RAB3GAP2: variants seen among roughly 807,000 people sequenced by gnomAD.
RAB3GAP2 encodes the protein RAB3 GTPase activating non-catalytic protein subunit 2, also known as rab3 GTPase-activating protein non-catalytic subunit.
Under a neutral mutation model 185.3 loss-of-function variants are expected in RAB3GAP2, and 87 were observed. That is an observed-to-expected ratio of 0.47 (90% CI 0.39 to 0.56). The LOEUF is 0.56. Ranked by LOEUF, RAB3GAP2 falls within the 20% of genes least tolerant of loss-of-function variation. The pLI is 0.00. For missense variants in RAB3GAP2, 1,492 were observed against 1,638.2 expected (o/e 0.91, Z 1.54); for synonymous variants, 554 against 576.1 (o/e 0.96, Z 0.55).
At chr1:220,185,178 G>A (rs779776840) in intron 18 of RAB3GAP2, among the ~76,000 whole-genome samples, 8 of 152,148 alleles carry the variant, frequency 5.3e-5, no homozygotes, top group Non-Finnish European at 1.0e-4. Context: ...CAAGTTTCAA[G>A]TGTAATCCTT....
chr1:220,164,473 G>GTTTTTTTTTTTTTTTTTTTTTTTTTTTTT (rs35024056), intron 27 of RAB3GAP2, among the ~76,000 whole-genome samples: 2 of 105,646 alleles, frequency 1.9e-5, no homozygotes, highest in African/African-American at 3.7e-5. Flanking sequence ...TTTTTGTTTT[G>GTTTTTTTTTTTTTTTTTTTTTTTTTTTTT]TTTTTTTTTT....
Position 220,154,129 on chromosome 1 carries a change from A to T in RAB3GAP2, c.3556-72T>A, listed in dbSNP as rs1657814518. ...GGGGGAGAGGGAGAAAGATTTGTTT[A>T]AAACTTAATAATAACTTATGGTTGA... On this transcript the variant is annotated intron_variant, in intron 31 of 34. Coordinates refer to ENST00000358951, the MANE Select transcript of RAB3GAP2 (RefSeq NM_012414.4). The T allele has an allele frequency of 7.6e-6, 12 of 1,573,972 alleles. No individual in the cohort carries two copies. The East Asian group carries it at 2.5e-4, about 33-fold the overall frequency.
intron 1 of RAB3GAP2, among the ~76,000 whole-genome samples, chr1:220,258,716 A>G (rs1660081733): frequency 6.6e-6 from 1 of 152,180 alleles, no homozygotes; most frequent in South Asian, 2.1e-4. Flanking sequence ...TATTCAACAT[A>G]GTATTGGAAG....
intron 32 of RAB3GAP2, chr1:220,153,693 C>T (rs962024187): frequency 8.4e-5 from 35 of 418,336 alleles, no homozygotes; most frequent in Admixed American, 7.1e-4. Context: ...TGTTGGTGTG[C>T]TGCACCCCTT....
chr1:220,262,136 A>T (rs1660152507), intron 1 of RAB3GAP2, among the ~76,000 whole-genome samples: 1 of 63,558 alleles, frequency 1.6e-5, no homozygotes, highest in Non-Finnish European at 2.6e-5. Context: ...AAAAATACAA[A>T]AAAAAAAAAA....
chr1:220,217,175 T>C (rs905338615), intron 2 of RAB3GAP2, among the ~76,000 whole-genome samples: 4 of 152,170 alleles, frequency 2.6e-5, no homozygotes, highest in African/African-American at 9.7e-5. Flanking sequence ...TCTATCACCC[T>C]GCTCATCTCT....
At chr1:220,228,378 A>G (rs1028625931) in intron 2 of RAB3GAP2, among the ~76,000 whole-genome samples, 1 of 152,220 alleles carries the variant, frequency 6.6e-6, no homozygotes, top group African/African-American at 2.4e-5. Flanking sequence ...AGAGTCTCTT[A>G]CTTCAGCTGA....
rs955231160 is a variant in RAB3GAP2 at position 220,149,306 on chromosome 1, T to C, written c.*1945A>G. ...ATTTGTGTTAGGATTCTGTGAGCCA[T>C]ACTTCAGCTTATTATTGTTCTCAGC... On this transcript the variant is annotated 3_prime_UTR_variant, in exon 35 of 35. Coordinates refer to ENST00000358951, the MANE Select transcript of RAB3GAP2 (RefSeq NM_012414.4). 2.0e-4 allele frequency: 31 copies of C among 152,220 alleles called. No individual in the cohort carries two copies. Among genetic ancestry groups the C allele is most frequent in the African/African-American group, 7.0e-4 (29 of 41,458 alleles). 9.4% of individuals were successfully genotyped at this position (152,220 alleles called of 1,614,324 possible). A position where few individuals can be genotyped will look rare whatever the true frequency, so the allele number is the denominator to read the frequency against.
chr1:220,272,149 G>A lies in RAB3GAP2; in HGVS notation c.115+74C>T. 3.1e-6 allele frequency: 4 copies of A among 1,271,540 alleles called. No homozygotes were observed. In the South Asian group the frequency reaches 3.8e-5, roughly 12 times the overall value. The allele number at this position is 1,271,540 out of a possible 1,614,324, so 78.8% of individuals were successfully genotyped here. ...GGCAGAGGCAGGAGGCGCAGAGCGAGTAGGAGACTCGAACCCGTGAGCAGA... is the reference window on the plus strand; with the variant it reads ...GGCAGAGGCAGGAGGCGCAGAGCGAATAGGAGACTCGAACCCGTGAGCAGA... On this transcript the variant is annotated intron_variant, in intron 1 of 34. Transcript: ENST00000358951.
chr1:220,251,648 T>C (rs1025603580), intron 1 of RAB3GAP2, among the ~76,000 whole-genome samples: 1 of 152,236 alleles, frequency 6.6e-6, no homozygotes, highest in Non-Finnish European at 1.5e-5. Flanking sequence ...AGTGTATGTG[T>C]AGATAGGCAC....
intron 2 of RAB3GAP2, among the ~76,000 whole-genome samples, chr1:220,223,235 T>C (rs1410081008): frequency 2.0e-5 from 3 of 152,128 alleles, no homozygotes; most frequent in Non-Finnish European, 4.4e-5. Context: ...TAATACTACA[T>C]ACTAAATCTA....
intron 2 of RAB3GAP2, among the ~76,000 whole-genome samples, chr1:220,229,077 G>A (rs1014722384): frequency 1.3e-5 from 2 of 152,144 alleles, no homozygotes; most frequent in East Asian, 3.8e-4. Flanking sequence ...AAGAAGACAT[G>A]CTTTACAGGT....
At chr1:220,168,132 G>C (rs1437920480) in intron 24 of RAB3GAP2, among the ~76,000 whole-genome samples, 1 of 152,086 alleles carries the variant, frequency 6.6e-6, no homozygotes, top group Non-Finnish European at 1.5e-5. Flanking sequence ...ATGCTTTGTT[G>C]CTTAGGCTGG....
chr1:220,210,527 T>C, intron 6 of RAB3GAP2, 38 bp from the exon 7 acceptor site: 1 of 1,488,516 alleles, frequency 6.7e-7, no homozygotes. Context: ...GCTTGTTTTC[T>C]TACCAATATA....
At chr1:220,266,839 G>A (rs1357763325) in intron 1 of RAB3GAP2, 37 of 1,597,086 alleles carry the variant, frequency 2.3e-5, no homozygotes, top group Non-Finnish European at 3.1e-5. Context: ...GTCTTGAAAT[G>A]AGGTCCCTGG....
chr1:220,233,436 G>GC (rs2102892051), intron 1 of RAB3GAP2, among the ~76,000 whole-genome samples: 1 of 152,280 alleles, frequency 6.6e-6, no homozygotes, highest in African/African-American at 2.4e-5. Flanking sequence ...CAACAACAAT[G>GC]CAACAAGGAA....
chr1:220,197,264 C>G (rs917466582), intron 9 of RAB3GAP2, among the ~76,000 whole-genome samples: 11 of 152,070 alleles, frequency 7.2e-5, no homozygotes, highest in Non-Finnish European at 1.5e-4. Flanking sequence ...TTGGGATTAC[C>G]GGTGTGAGCC....
intron 31 of RAB3GAP2, among the ~76,000 whole-genome samples, chr1:220,155,726 G>A (rs1293771945): frequency 1.3e-5 from 2 of 152,114 alleles, no homozygotes; most frequent in Non-Finnish European, 2.9e-5. Context: ...CTAGCTCTCT[G>A]CAGATGAGTG....
Position 220,171,922 on chromosome 1 carries a change from AG to A in RAB3GAP2, c.2543del (p.Ala848ValfsTer8). On this transcript the variant is annotated frameshift_variant, in exon 23 of 35. Transcript: ENST00000358951. LOFTEE classifies it high-confidence loss of function. ...CTGTCATGTTGTTTGATATCTGTGCAGCAACAGAATGCCCAACATGCGCAGA... is the reference window on the plus strand; with the variant it reads ...CTGTCATGTTGTTTGATATCTGTGCACAACAGAATGCCCAACATGCGCAGA... ...LLSAHVGHSV[A>X]AQISNNMTEK... is the part of the protein sequence containing the mutation. 1 of 1,614,214 alleles carries A rather than the reference AG, an allele frequency of 6.2e-7. No homozygotes were observed. Among genetic ancestry groups the A allele is most frequent in the Non-Finnish European group, 8.5e-7 (1 of 1,180,032 alleles).
Sources: gnomAD v4.1 joint callset for allele counts (sites outside exome capture counted in the v4.1 genomes callset) on GRCh38, gnomAD v4.1.1 for gene constraint, MANE v1.5 for transcripts, NCBI Gene and HGNC (gene_info 2026-07-23, HGNC 2026-07-21) for gene names.